CNTN6: variants seen among roughly 807,000 people sequenced by gnomAD.
CNTN6 encodes contactin 6.
In CNTN6, 137 loss-of-function variants were observed where a neutral mutation model predicts 122.8. The observed-to-expected ratio is 1.12, with a 90% confidence interval of 0.97 to 1.29. CNTN6 has a LOEUF of 1.29. Ranked by LOEUF, CNTN6 falls within the 50% of genes most tolerant of loss-of-function variation. The probability of loss-of-function intolerance (pLI) is 0.00; values close to 1 mark genes in which losing one functional copy is unlikely to be tolerated. For missense variants in CNTN6, 1,634 were observed against 1,223.4 expected (o/e 1.34, Z -5.01); for synonymous variants, 570 against 426.0 (o/e 1.34, Z -4.16).
chr3:1,271,736 C>G (rs1002333218), intron 4 of CNTN6, among the ~76,000 whole-genome samples: 4 of 152,118 alleles, frequency 2.6e-5, no homozygotes, highest in Non-Finnish European at 5.9e-5. Context: ...ACCTTTACCC[C>G]TCCGCTAGCA....
intron 14 of CNTN6, among the ~76,000 whole-genome samples, chr3:1,373,205 C>G (rs895293524): frequency 6.6e-6 from 1 of 152,106 alleles, no homozygotes; most frequent in Non-Finnish European, 1.5e-5. Flanking sequence ...CAAGCGGTGT[C>G]AGTAACTAAA....
At chr3:1,323,800 C>T (rs1373599473) in intron 8 of CNTN6, among the ~76,000 whole-genome samples, 3 of 151,690 alleles carry the variant, frequency 2.0e-5, no homozygotes, top group African/African-American at 7.3e-5. Flanking sequence ...AAATCCTAAG[C>T]CTCTTCTCCC....
chr3:1,119,021 C>G (rs994291322), intron 1 of CNTN6, among the ~76,000 whole-genome samples: 14 of 152,100 alleles, frequency 9.2e-5, no homozygotes, highest in African/African-American at 3.4e-4. Flanking sequence ...TTCAGTGATC[C>G]ATCTCCCATC....
In CNTN6 at chr3:1,398,632, G is replaced by A. The variant is rs1054383724; in HGVS notation, c.2705-2801G>A. The stretch of plus-strand genomic sequence containing the variant: ...CTTGGAAGAGAATTAACAGTTACAG[G>A]GCTTTTTAATATATACCACTAACCA... On this transcript the variant is annotated intron_variant, in intron 20 of 22. Transcript: ENST00000446702. 8.8e-4 allele frequency among the ~76,000 whole-genome samples: 134 copies of A among 152,056 alleles called. 1 individual carries two copies. Among genetic ancestry groups the A allele is most frequent in the African/African-American group, 3.0e-3 (126 of 41,506 alleles).
rs374252173 is a variant in CNTN6, at chr3:1,383,122, A to G, written c.2347A>G (p.Asn783Asp). 27 of 1,614,056 alleles carry G rather than the reference A, an allele frequency of 1.7e-5. No individual in the cohort carries two copies. In the African/African-American group the frequency reaches 3.5e-4, roughly 21 times the overall value. The stretch of plus-strand genomic sequence containing the variant: ...TGAAGTCAAAGTGGGTGTGTATAAT[A>G]ATGAAGGAGAAGGATCCCTGAGTAC... ...PFEVKVGVYN[N>D]EGEGSLSTVT... Residue 783 changes from asparagine to aspartate, a missense_variant, in exon 18 of 23, where the codon AAT (asparagine) becomes GAT (aspartate). Transcript: ENST00000446702.
intron 4 of CNTN6, among the ~76,000 whole-genome samples, chr3:1,244,834 C>A (rs1223403969): frequency 6.6e-6 from 1 of 150,958 alleles, no homozygotes; most frequent in Non-Finnish European, 1.5e-5. Flanking sequence ...TCACAAAGTA[C>A]ATTCTCAAGG....
Position 1,313,956 on chromosome 3 carries a change from G to T in CNTN6, c.762-7694G>T, listed in dbSNP as rs142131707. 3.9e-4 allele frequency among the ~76,000 whole-genome samples: 60 copies of T among 152,048 alleles called. No homozygotes were observed. In the East Asian group the frequency reaches 6.2e-3, roughly 16 times the overall value. On this transcript the variant is annotated intron_variant, in intron 7 of 22. Transcript: ENST00000446702. ...TAAGAACACTAATCCCACTATGAAG[G>T]CTCTATCTTCATGTCATAGTCCCAC...
intron 7 of CNTN6, among the ~76,000 whole-genome samples, chr3:1,319,337 G>A (rs116023499): frequency 2.8e-4 from 42 of 151,616 alleles, no homozygotes; most frequent in African/African-American, 9.9e-4. Flanking sequence ...TCCCAGCTCC[G>A]CCTCTTTAGC....
intron 1 of CNTN6, among the ~76,000 whole-genome samples, chr3:1,117,596 G>T (rs1280250512): frequency 6.6e-6 from 1 of 152,164 alleles, no homozygotes; most frequent in East Asian, 1.9e-4. Context: ...CCTACAACCT[G>T]TTAGTATGCA....
At chr3:1,248,751 C>T (rs538772389) in intron 4 of CNTN6, among the ~76,000 whole-genome samples, 2 of 151,984 alleles carry the variant, frequency 1.3e-5, no homozygotes, top group African/African-American at 2.4e-5. Context: ...ACCCGAGAGG[C>T]GGAGGTTGCA....
At chr3:1,282,320 G>A (rs1693607823) in intron 5 of CNTN6, among the ~76,000 whole-genome samples, 1 of 152,180 alleles carries the variant, frequency 6.6e-6, no homozygotes, top group South Asian at 2.1e-4. Flanking sequence ...GAAAGGAAGG[G>A]TTTTACACGG....
chr3:1,154,429 TTTTTC>T (rs201500881), intron 2 of CNTN6, among the ~76,000 whole-genome samples: 85 of 141,070 alleles, frequency 6.0e-4, no homozygotes, highest in Middle Eastern at 7.0e-3. Context: ...ATTCATAATA[TTTTTC>T]TTTTCTTTTC....
rs527515824 is a variant in CNTN6 at position 1,099,226 on chromosome 3, C to T, written c.-83+6106C>T. ...CAGCACTTTGGGAGGCCGAGGCGGG[C>T]GGATCACGAGGTCAGGAGATCGAGA... On this transcript the variant is annotated intron_variant, in intron 1 of 22. Transcript: ENST00000446702. 2.8e-4 allele frequency among the ~76,000 whole-genome samples: 42 copies of T among 152,006 alleles called. 1 individual carries two copies. The highest frequency in any genetic ancestry group is 4.2e-4 in the South Asian group (2 of 4,796).
At chr3:1,123,494 A>G (rs565309726) in intron 1 of CNTN6, among the ~76,000 whole-genome samples, 61 of 151,510 alleles carry the variant, frequency 4.0e-4, no homozygotes, top group Middle Eastern at 3.4e-3. Flanking sequence ...CTTATTTTTT[A>G]TTTGTTTTTT....
At chr3:1,148,208 C>T in intron 2 of CNTN6, 145 bp downstream of exon 2, 2 of 589,284 alleles carry the variant, frequency 3.4e-6, no homozygotes, top group East Asian at 2.9e-5. Context: ...ACTTCTATGA[C>T]TCAGACAGGG....
intron 4 of CNTN6, among the ~76,000 whole-genome samples, chr3:1,241,694 C>T (rs991315643): frequency 8.5e-5 from 13 of 152,128 alleles, no homozygotes; most frequent in African/African-American, 3.1e-4. Context: ...TGTCATACAC[C>T]AGGCCAGATT....
intron 11 of CNTN6, among the ~76,000 whole-genome samples, chr3:1,333,771 A>G (rs181533368): frequency 2.0e-5 from 3 of 152,180 alleles, no homozygotes; most frequent in Non-Finnish European, 4.4e-5. Context: ...TATTTTGACA[A>G]TTTCTTCTAG....
chr3:1,137,882 T>A (rs982008703), intron 1 of CNTN6, among the ~76,000 whole-genome samples: 1 of 152,190 alleles, frequency 6.6e-6, no homozygotes, highest in South Asian at 2.1e-4. Flanking sequence ...AGGGCTGATA[T>A]TAAGCTGAAA....
chr3:1,321,567 G>A (rs1700844878), intron 7 of CNTN6, 83 bp from the exon 8 acceptor site: 37 of 1,245,342 alleles, frequency 3.0e-5, no homozygotes, highest in Non-Finnish European at 3.9e-5. Context: ...TTTCTTGAGA[G>A]TTATTTGTAT....
Sources: gnomAD v4.1 joint callset for allele counts (sites outside exome capture counted in the v4.1 genomes callset) on GRCh38, gnomAD v4.1.1 for gene constraint, MANE v1.5 for transcripts, NCBI Gene and HGNC (gene_info 2026-07-23, HGNC 2026-07-21) for gene names.